The following PCLO variants were observed in gnomAD, a reference collection of about 807,000 sequenced individuals.
PCLO encodes protein piccolo.
A neutral mutation model predicts 427.5 loss-of-function variants in PCLO; 82 were observed. The observed-to-expected ratio is 0.19, with a 90% confidence interval of 0.16 to 0.23. The LOEUF (loss-of-function observed/expected upper bound fraction) is 0.23. Among genes scored for constraint, PCLO ranks in the 10% least tolerant of loss-of-function variants. The pLI is 1.00. For synonymous variants in PCLO, 2,357 were observed against 2,155.4 expected (o/e 1.09, Z -2.59); for missense variants, 6,239 against 6,115.9 (o/e 1.02, Z -0.67).
At chr7:83,116,687 CA>C (rs1791142594) in intron 3 of PCLO, among the ~76,000 whole-genome samples, 1 of 152,102 alleles carries the variant, frequency 6.6e-6, no homozygotes, top group African/African-American at 2.4e-5. Flanking sequence ...AAGAATATAA[CA>C]CATTATTAAC....
chr7:82,879,350 C>T lies in PCLO; in HGVS notation c.13641G>A (p.Gly4547=), dbSNP rs1462451945. 1.2e-6 allele frequency: 2 copies of T among 1,611,434 alleles called. No individual in the cohort carries two copies. Among genetic ancestry groups the T allele is most frequent in the East Asian group, 2.2e-5 (1 of 44,648 alleles). ...ILPGGSAEQT[G]KLMEGMQVLE... is the part of the protein sequence containing the mutation. ...CCTTATTCTTACCTTCCATAAGCTT[C>T]CCCGTCTGTTCCGCACTTCCCCCAG... The change falls in exon 10 of 25, where the codon GGG becomes GGA. Residue 4547 remains glycine (G), a synonymous_variant. Coordinates refer to ENST00000333891, the MANE Select transcript of PCLO (RefSeq NM_033026.6).
At chr7:82,800,475 G>C (rs1791323262) in intron 22 of PCLO, among the ~76,000 whole-genome samples, 1 of 152,040 alleles carries the variant, frequency 6.6e-6, no homozygotes, top group African/African-American at 2.4e-5. Flanking sequence ...TTACCTCATA[G>C]GTAATTGTAA....
chr7:83,012,820 C>G (rs747375083), intron 3 of PCLO, among the ~76,000 whole-genome samples: 6 of 152,072 alleles, frequency 3.9e-5, no homozygotes, highest in Admixed American at 6.6e-5. Context: ...CTAGATTAAA[C>G]TCTAATCTGA....
intron 3 of PCLO, among the ~76,000 whole-genome samples, chr7:82,994,979 GA>G (rs1258466787): frequency 1.3e-5 from 2 of 151,950 alleles, no homozygotes; most frequent in Admixed American, 6.6e-5. Flanking sequence ...AAGATAGCAA[GA>G]ATATGGAGGA....
chr7:82,776,623 T>A (rs1008108397), intron 22 of PCLO, among the ~76,000 whole-genome samples: 1 of 152,068 alleles, frequency 6.6e-6, no homozygotes, highest in Admixed American at 6.6e-5. Flanking sequence ...GGTGAAACCG[T>A]GTCTCTACTA....
At chr7:82,930,490 A>T (rs1459597085) in intron 6 of PCLO, among the ~76,000 whole-genome samples, 1 of 152,196 alleles carries the variant, frequency 6.6e-6, no homozygotes, top group Non-Finnish European at 1.5e-5. Context: ...TTAATGGTAC[A>T]AAACTTACTA....
Position 83,134,766 on chromosome 7 carries a change from A to C in PCLO, c.2784T>G (p.Thr928=). 1 of 1,613,968 alleles carries C rather than the reference A, an allele frequency of 6.2e-7. No individual in the cohort carries two copies. Among genetic ancestry groups the C allele is most frequent in the South Asian group, 1.1e-5 (1 of 91,078 alleles). The change falls in exon 3 of 25, where the codon ACT becomes ACG. Residue 928 remains threonine (T), a synonymous_variant. Transcript: ENST00000333891. The stretch of plus-strand genomic sequence containing the variant: ...ATGCTCCAAACCCAAAGAGTTTCCC[A>C]GTCACGGTCTCTTGAGGAGTTGTAG... ...SQPTTPQETV[T]GKLFGFGASI...
At chr7:82,775,000 A>G (rs899084769) in intron 22 of PCLO, among the ~76,000 whole-genome samples, 3 of 152,020 alleles carry the variant, frequency 2.0e-5, no homozygotes, top group African/African-American at 7.2e-5. Flanking sequence ...GTAGATATAG[A>G]TTTTTTAGAT....
Position 82,915,588 on chromosome 7 carries a change from C to G in PCLO, c.12398G>C (p.Arg4133Pro), listed in dbSNP as rs752661745. 6.2e-7 allele frequency: 1 copy of G among 1,613,486 alleles called. No individual in the cohort carries two copies. The highest frequency in any genetic ancestry group is 8.5e-7 in the Non-Finnish European group (1 of 1,179,660). The change falls in exon 7 of 25, where the codon CGT becomes CCT. Residue 4133 changes from arginine (R) to proline (P), a missense_variant. Coordinates refer to ENST00000333891, the MANE Select transcript of PCLO (RefSeq NM_033026.6). ...LLKHQIKQEF[R>P]RGTESLDHLA... is the part of the protein sequence containing the mutation. Reference sequence around the variant, plus strand: ...GTGATCTAAGCTCTCTGTCCCTCTACGAAATTCCTGTTTAATCTGATGTTT... The same window carrying G: ...GTGATCTAAGCTCTCTGTCCCTCTAGGAAATTCCTGTTTAATCTGATGTTT...
At chr7:83,029,596 C>T (rs1343825078) in intron 3 of PCLO, among the ~76,000 whole-genome samples, 3 of 123,662 alleles carry the variant, frequency 2.4e-5, no homozygotes, top group Non-Finnish European at 5.0e-5. Context: ...TTTGACCCAG[C>T]CATCCCATTA....
intron 3 of PCLO, among the ~76,000 whole-genome samples, chr7:83,046,047 A>C (rs1795679458): frequency 6.6e-6 from 1 of 152,038 alleles, no homozygotes; most frequent in African/African-American, 2.4e-5. Context: ...ACCTTCTTAC[A>C]GTGTCTTCAC....
intron 4 of PCLO, 71 bp from the exon 5 acceptor site, chr7:82,957,006 C>A: frequency 1.4e-6 from 2 of 1,408,098 alleles, no homozygotes; most frequent in South Asian, 1.7e-5. Context: ...TCCATTACTA[C>A]CAAATAACTA....
intron 6 of PCLO, among the ~76,000 whole-genome samples, chr7:82,934,093 C>T (rs944211578): frequency 3.3e-5 from 5 of 151,836 alleles, no homozygotes; most frequent in Admixed American, 6.6e-5. Flanking sequence ...ATAACTTTTA[C>T]AAACTACCAT....
At chr7:82,845,158 A>C (rs777740847) in intron 13 of PCLO, 113 bp downstream of exon 13, 20 of 753,024 alleles carry the variant, frequency 2.7e-5, no homozygotes, top group Non-Finnish European at 3.7e-5. Context: ...GATCATCTGG[A>C]AATGAGAAAT....
intron 2 of PCLO, among the ~76,000 whole-genome samples, chr7:83,139,588 T>C (rs938833564): frequency 5.3e-5 from 8 of 152,218 alleles, no homozygotes; most frequent in Non-Finnish European, 8.8e-5. Flanking sequence ...GGAGAGTTAG[T>C]AAAAATGAGG....
intron 3 of PCLO, among the ~76,000 whole-genome samples, chr7:83,132,343 G>T (rs547044522): frequency 6.6e-6 from 1 of 152,218 alleles, no homozygotes; most frequent in Non-Finnish European, 1.5e-5. Context: ...CACATTTGAA[G>T]TATGACCTCA....
At chr7:82,821,487 G>A in intron 20 of PCLO, 19 of 985,290 alleles carry the variant, frequency 1.9e-5, no homozygotes, top group Non-Finnish European at 2.2e-5. Context: ...ATGATGACTA[G>A]GGAGATGGAG....
At chr7:82,914,554 T>A (rs2116258156) in intron 7 of PCLO, 132 bp downstream of exon 7, 1 of 858,412 alleles carries the variant, frequency 1.2e-6, no homozygotes, top group South Asian at 1.4e-5. Context: ...TTACAAGAAA[T>A]AAAATTGAAG....
intron 9 of PCLO, among the ~76,000 whole-genome samples, chr7:82,890,952 T>C (rs1177947513): frequency 6.6e-6 from 1 of 152,108 alleles, no homozygotes; most frequent in African/African-American, 2.4e-5. Flanking sequence ...TTTATGATTA[T>C]CATTATTTTC....
Sources: gnomAD v4.1 joint callset for allele counts (sites outside exome capture counted in the v4.1 genomes callset) on GRCh38, gnomAD v4.1.1 for gene constraint, MANE v1.5 for transcripts, NCBI Gene and HGNC (gene_info 2026-07-23, HGNC 2026-07-21) for gene names.